The following PPP2R5C variants were observed in gnomAD, a reference collection of about 807,000 sequenced individuals.
The protein encoded by PPP2R5C is protein phosphatase 2 regulatory subunit B'gamma.
A neutral mutation model predicts 68.9 loss-of-function variants in PPP2R5C; 7 were observed. The observed-to-expected ratio is 0.10, with a 90% CI of 0.06 to 0.19. The LOEUF (loss-of-function observed/expected upper bound fraction) is 0.19, where lower values mean the gene tolerates loss of function less well. Among genes scored for constraint, PPP2R5C ranks in the 10% least tolerant of loss-of-function variants. PPP2R5C has a pLI of 1.00. For missense variants in PPP2R5C, 348 were observed against 641.3 expected, an observed-to-expected ratio of 0.54 and a Z score of 4.94; for synonymous variants, 210 against 222.2, an observed-to-expected ratio of 0.95 and a Z score of 0.49.
chr14:101,896,381 G>T (rs1229483439), intron 8 of PPP2R5C, among the ~76,000 whole-genome samples: 1 of 151,980 alleles, frequency 6.6e-6, no homozygotes, highest in Non-Finnish European at 1.5e-5. Flanking sequence ...GTTTTGATTT[G>T]CAGTTCCCTA....
At chr14:101,867,278 G>A (rs2043133743) in intron 2 of PPP2R5C, among the ~76,000 whole-genome samples, 1 of 151,912 alleles carries the variant, frequency 6.6e-6, no homozygotes, top group Non-Finnish European at 1.5e-5. Context: ...GCGCACGCCT[G>A]CACCTATATG....
At position 101,906,668 on chromosome 14, in the gene PPP2R5C, A is replaced by AT; in HGVS notation, c.1151+141dup. 1 of 1,159,680 alleles carries AT rather than the reference A, an allele frequency of 8.6e-7. No individual in the cohort carries two copies. Among genetic ancestry groups the AT allele is most frequent in the East Asian group, 2.6e-5 (1 of 38,162 alleles). 71.8% of individuals were successfully genotyped at this position (1,159,680 alleles called of 1,614,324 possible). ...GGTCAGTTGCTTTGTGGACTCATAA[A>AT]TTAAGTAGCAGCGTGGGTTGTTTCT... On this transcript the variant is annotated intron_variant, in intron 10 of 13. Coordinates refer to ENST00000334743, the Ensembl canonical transcript of PPP2R5C. This position sits in a 1 kb window ranked among gnomAD's most constrained non-coding sequence, Gnocchi z 4.0.
At position 101,879,159 on chromosome 14, in the gene PPP2R5C, C is replaced by T. The variant is rs1375903361; in HGVS notation, c.295-3002C>T. ...GGGGAAGCAAGGGTGGCTCCGAGCC[C>T]CTCTTGCCCGCCCTCCCCCGGGGCT... On this transcript the variant is annotated intron_variant, in intron 2 of 13. Transcript: ENST00000334743. This position sits in a 1 kb window ranked among gnomAD's most constrained non-coding sequence, Gnocchi z 4.2. The T allele has an allele frequency of 6.6e-6, 1 of 152,066 alleles. No homozygotes were observed. 9.4% of individuals were successfully genotyped at this position (152,066 alleles called of 1,614,324 possible). A position where few individuals can be genotyped will look rare whatever the true frequency, so the allele number is the denominator to read the frequency against.
At chr14:101,775,978 C>T (rs2037395534) in intron 2 of PPP2R5C, among the ~76,000 whole-genome samples, 1 of 152,090 alleles carries the variant, frequency 6.6e-6, no homozygotes, top group Admixed American at 6.5e-5. Context: ...CCGTAGCTTC[C>T]ATTTGAGTGG....
chr14:101,778,857 C>T lies in PPP2R5C; in HGVS notation c.94-7161C>T, dbSNP rs371567657. Among the ~76,000 whole-genome samples, 77 of 152,220 alleles carry T rather than the reference C, an allele frequency of 5.1e-4. 1 individual carries two copies. The highest frequency in any genetic ancestry group is 1.7e-3 in the African/African-American group (72 of 41,526). ...ATTGGATTGCTTGAGCTTAGGAGTT[C>T]AAGACCTGCCTGGACAACATAGTGA... On this transcript the variant is annotated intron_variant, in intron 2 of 14. Coordinates refer to the PPP2R5C transcript ENST00000328724.
upstream of PPP2R5C, among the ~76,000 whole-genome samples, chr14:101,806,885 C>T (rs1017493840): frequency 6.6e-6 from 1 of 152,136 alleles, no homozygotes; most frequent in Non-Finnish European, 1.5e-5. Context: ...TCACTTGGGC[C>T]CAGGAGGCCG....
chr14:101,809,882 A>G (rs969007691), upstream of PPP2R5C: 10 of 1,568,832 alleles, frequency 6.4e-6, no homozygotes, highest in African/African-American at 9.8e-5. Context: ...TTTTTTTTAA[A>G]CTAAAATGGA....
At chr14:101,761,077 A>AGGGGAGGGGAGGGAGGGG (rs1566813444), upstream of PPP2R5C, among the ~76,000 whole-genome samples, 4 of 47,714 alleles carry the variant, frequency 8.4e-5, no homozygotes, top group East Asian at 2.0e-3. Flanking sequence ...GAGAGGAGGG[A>AGGGGAGGGGAGGGAGGGG]AGGGGAGGGG....
intron 1 of PPP2R5C, among the ~76,000 whole-genome samples, chr14:101,821,364 A>G (rs2057495040): frequency 7.3e-6 from 1 of 137,786 alleles, no homozygotes; most frequent in South Asian, 2.5e-4. Flanking sequence ...AGATTGGTCT[A>G]CCATCCCCAC....
intron 3 of PPP2R5C, among the ~76,000 whole-genome samples, chr14:101,792,042 T>C (rs2038385477): frequency 6.6e-6 from 1 of 152,204 alleles, no homozygotes; most frequent in Non-Finnish European, 1.5e-5. Flanking sequence ...ACCACAACAC[T>C]GGTTTGTTAA....
At chr14:101,768,583 T>C (rs2036980561) in intron 2 of PPP2R5C, among the ~76,000 whole-genome samples, 2 of 152,130 alleles carry the variant, frequency 1.3e-5, no homozygotes, top group Admixed American at 1.3e-4. Context: ...AACGTCCGGC[T>C]CCATCGAAGG....
rs1226440689 is a variant in PPP2R5C at position 101,857,002 on chromosome 14, T to G, written c.294+117T>G. The G allele has an allele frequency of 9.1e-6, 9 of 986,954 alleles. No homozygotes were observed. In the East Asian group the frequency reaches 2.0e-4, roughly 22 times the overall value. 61.1% of individuals were successfully genotyped at this position (986,954 alleles called of 1,614,324 possible). ...AGAAGAATCCTCCTGTTCCAGAATTTGTAGTTGTGCTTGAAGAATGAAAAT... is the reference window on the plus strand; with the variant it reads ...AGAAGAATCCTCCTGTTCCAGAATTGGTAGTTGTGCTTGAAGAATGAAAAT... On this transcript the variant is annotated intron_variant, in intron 2 of 13. Transcript: ENST00000334743.
At chr14:101,914,337 T>G (rs2046546962) in intron 12 of PPP2R5C, 1 of 347,174 alleles carries the variant, frequency 2.9e-6, no homozygotes, top group Admixed American at 4.1e-5. Context: ...CAGAAAATAC[T>G]TCATGGGTCA....
rs560435570 is a variant in PPP2R5C at position 101,891,656 on chromosome 14, T to C, written c.690-1344T>C. The stretch of plus-strand genomic sequence containing the variant: ...CTCCCGCCGAGAGGCTGATTAGTTT[T>C]ATCCTTCTTCCAGATGAGGCTGAGC... On this transcript the variant is annotated intron_variant, in intron 6 of 13. Coordinates refer to ENST00000334743, the Ensembl canonical transcript of PPP2R5C. The surrounding 1 kb of genome is among the most constrained non-coding windows in gnomAD (Gnocchi z 4.9). 2.6e-4 allele frequency among the ~76,000 whole-genome samples: 39 copies of C among 152,310 alleles called. No homozygotes were observed. Among genetic ancestry groups the C allele is most frequent in the Admixed American group, 1.2e-3 (19 of 15,310 alleles).
intron 1 of PPP2R5C, among the ~76,000 whole-genome samples, chr14:101,840,221 T>C (rs2041378709): frequency 6.6e-6 from 1 of 152,032 alleles, no homozygotes; most frequent in South Asian, 2.1e-4. Flanking sequence ...AGAGACCCTG[T>C]TGTATTTTCA....
chr14:101,828,466 A>AGGG (rs2040535921), intron 1 of PPP2R5C, among the ~76,000 whole-genome samples: 1 of 152,246 alleles, frequency 6.6e-6, no homozygotes, highest in East Asian at 1.9e-4. Context: ...CTGAAGGTGT[A>AGGG]GGGGGAGTGT....
intron 1 of PPP2R5C, among the ~76,000 whole-genome samples, chr14:101,838,706 A>G (rs1595335578): frequency 6.6e-6 from 1 of 152,214 alleles, no homozygotes; most frequent in Admixed American, 6.5e-5. Context: ...CACACAGCCT[A>G]TCCTTTGAGG....
chr14:101,830,818 C>G (rs1247565011), intron 1 of PPP2R5C, among the ~76,000 whole-genome samples: 1 of 152,132 alleles, frequency 6.6e-6, no homozygotes, highest in African/African-American at 2.4e-5. Flanking sequence ...CCTCGGGGAG[C>G]TTGCAGTCTA....
rs1468692897 is a variant in PPP2R5C at position 101,915,462 on chromosome 14, G to T, written c.1327-2369G>T. The stretch of plus-strand genomic sequence containing the variant: ...AGGTTTATTTTGCTGTGAACATCTG[G>T]TAGCATTCTTGTGTAGGGACACTCT... On this transcript the variant is annotated intron_variant, in intron 12 of 13. Coordinates refer to ENST00000334743, the Ensembl canonical transcript of PPP2R5C. This position sits in a 1 kb window ranked among gnomAD's most constrained non-coding sequence, Gnocchi z 4.2. Among the ~76,000 whole-genome samples, 1 of 152,196 alleles carries T rather than the reference G, an allele frequency of 6.6e-6. No individual in the cohort carries two copies. The highest frequency in any genetic ancestry group is 2.1e-4 in the South Asian group (1 of 4,838).
Sources: allele counts gnomAD v4.1 joint callset (sites outside exome capture counted in the v4.1 genomes callset), GRCh38; gene constraint gnomAD v4.1.1; non-coding constraint Gnocchi (gnomAD v3.1); transcripts MANE v1.5; gene names NCBI Gene and HGNC (gene_info 2026-07-23, HGNC 2026-07-21).